Variants in CYB5A observed in about 807,000 individuals in gnomAD.
The protein encoded by CYB5A is cytochrome b5 type A.
A neutral mutation model predicts 16.2 loss-of-function variants in CYB5A; 10 were observed. The observed-to-expected ratio is 0.62, with a 90% CI of 0.38 to 1.04. The LOEUF is 1.04. Ranked by LOEUF, CYB5A falls within the 50% of genes least tolerant of loss-of-function variation. The pLI is 0.01. For missense variants in CYB5A, 161 were observed against 165.9 expected (o/e 0.97, Z 0.16); for synonymous variants, 62 against 57.0 (o/e 1.09, Z -0.40).
Position 74,253,629 on chromosome 18 carries a change from T to C in CYB5A, c.360A>G (p.Ala120=). 1.9e-6 allele frequency: 3 copies of C among 1,613,618 alleles called. No individual in the cohort carries two copies. Among genetic ancestry groups the C allele is most frequent in the Non-Finnish European group, 2.5e-6 (3 of 1,179,672 alleles). Reference sequence around the variant, plus strand: ...GGCGATACATCAAGGCGACGGCCACTGCAGAGATGGCAGGGATCACCCAGT... The same window carrying C: ...GGCGATACATCAAGGCGACGGCCACCGCAGAGATGGCAGGGATCACCCAGT... The part of the protein sequence containing the change: ...WTNWVIPAIS[A]VAVALMYRLY... The change falls in exon 5 of 5, where the codon GCA becomes GCG. Residue 120 remains alanine (A), a synonymous_variant. Coordinates refer to ENST00000340533, the MANE Select transcript of CYB5A (RefSeq NM_148923.4).
At chr18:74,288,978 C>G (rs1983424938) in intron 1 of CYB5A, among the ~76,000 whole-genome samples, 1 of 152,146 alleles carries the variant, frequency 6.6e-6, no homozygotes, top group Non-Finnish European at 1.5e-5. Context: ...TGTTGGCAGA[C>G]AGTGGAGGCA....
chr18:74,279,989 T>G (rs938762471), intron 1 of CYB5A, among the ~76,000 whole-genome samples: 4 of 152,122 alleles, frequency 2.6e-5, no homozygotes, highest in Admixed American at 2.0e-4. Flanking sequence ...AACTAATAAA[T>G]GAGTACATTA....
chr18:74,261,161 A>C, intron 2 of CYB5A: 1 of 512,736 alleles, frequency 2.0e-6, no homozygotes, highest in East Asian at 3.6e-5. Flanking sequence ...TAGAGTTCCA[A>C]AGTTTCGAAC....
At chr18:74,282,437 G>A (rs1365329437) in intron 1 of CYB5A, among the ~76,000 whole-genome samples, 1 of 152,178 alleles carries the variant, frequency 6.6e-6, no homozygotes, top group Non-Finnish European at 1.5e-5. Context: ...TAGTCACAGA[G>A]CAGGGGCTCG....
chr18:74,263,546 T>C (rs1982303788), intron 1 of CYB5A, 69 bp from the exon 2 acceptor site: 1 of 1,409,170 alleles, frequency 7.1e-7, no homozygotes, highest in Non-Finnish European at 1.0e-6. Flanking sequence ...ACGGCCAGAA[T>C]TTATTTAACC....
At chr18:74,291,342 C>T (rs73970043) in intron 1 of CYB5A, among the ~76,000 whole-genome samples, 6,027 of 152,164 alleles carry the variant, frequency 0.04, 398 homozygotes, top group African/African-American at 0.14. Flanking sequence ...CCGCGCAGGG[C>T]GCTCCCAGGT....
At chr18:74,259,281 AG>A (rs1982106713) in intron 3 of CYB5A, 1 of 152,250 alleles carries the variant, frequency 6.6e-6, no homozygotes, top group Admixed American at 6.5e-5. Flanking sequence ...TAACGCACAA[AG>A]GGCTGTGCCT....
chr18:74,275,190 G>C (rs939058799), intron 1 of CYB5A, among the ~76,000 whole-genome samples: 5 of 152,176 alleles, frequency 3.3e-5, no homozygotes, highest in African/African-American at 1.2e-4. Context: ...ATTGTTCATT[G>C]CTCCAATGTC....
At chr18:74,253,774 G>A in intron 4 of CYB5A, 109 bp from the exon 5 acceptor site, 1 of 784,100 alleles carries the variant, frequency 1.3e-6, no homozygotes, top group Non-Finnish European at 2.2e-6. Context: ...TCTTAACTCT[G>A]TAATGAATTT....
chr18:74,291,542 G>C (rs78456851), intron 1 of CYB5A, among the ~76,000 whole-genome samples: 8,367 of 150,762 alleles, frequency 0.055, 831 homozygotes, highest in African/African-American at 0.19. Flanking sequence ...GTGCGGACTT[G>C]GGGCGGTGGG....
At chr18:74,285,017 A>G (rs180670919) in intron 1 of CYB5A, among the ~76,000 whole-genome samples, 1 of 152,332 alleles carries the variant, frequency 6.6e-6, no homozygotes, top group Non-Finnish European at 1.5e-5. Context: ...CAGTTACTAT[A>G]TACACTCAAG....
At chr18:74,286,834 G>A (rs908248748) in intron 1 of CYB5A, among the ~76,000 whole-genome samples, 16 of 152,134 alleles carry the variant, frequency 1.1e-4, no homozygotes, top group African/African-American at 2.2e-4. Flanking sequence ...GACCAAAGCC[G>A]GCTTGCATGT....
chr18:74,262,958 T>A (rs1228694319), intron 2 of CYB5A, among the ~76,000 whole-genome samples: 1 of 152,094 alleles, frequency 6.6e-6, no homozygotes, highest in Non-Finnish European at 1.5e-5. Flanking sequence ...GAGACCAGCC[T>A]GGGCAACACG....
Position 74,263,343 on chromosome 18 carries a change from A to T in CYB5A, c.258+6T>A. On this transcript the variant is annotated splice_donor_region_variant and intron_variant, in intron 2 of 4. Transcript: ENST00000340533. ...AAATAAGAAAGGGCCCCCAAAATGT[A>T]CTTACTGGATGGAGCTCCCCAATGA... is the stretch of plus-strand genomic sequence containing the variant. 2.5e-6 allele frequency: 4 copies of T among 1,613,930 alleles called. No homozygotes were observed. Among genetic ancestry groups the T allele is most frequent in the Non-Finnish European group, 3.4e-6 (4 of 1,179,884 alleles).
intron 2 of CYB5A, among the ~76,000 whole-genome samples, chr18:74,262,431 G>A (rs1042454711): frequency 6.8e-6 from 1 of 147,478 alleles, no homozygotes; most frequent in African/African-American, 2.5e-5. Flanking sequence ...ACTCCAGCCT[G>A]GGCAACAGAG....
intron 1 of CYB5A, among the ~76,000 whole-genome samples, chr18:74,288,713 A>T (rs917997901): frequency 1.3e-5 from 2 of 152,238 alleles, no homozygotes; most frequent in Admixed American, 6.5e-5. Context: ...CCAGGAGCAC[A>T]GGAAGTCACC....
At chr18:74,281,010 C>T (rs1339630206) in intron 1 of CYB5A, among the ~76,000 whole-genome samples, 4 of 151,930 alleles carry the variant, frequency 2.6e-5, no homozygotes, top group East Asian at 1.9e-4. Context: ...GGGGACCACG[C>T]GAGAGAAGAT....
chr18:74,272,616 A>G (rs1278522912), intron 1 of CYB5A, among the ~76,000 whole-genome samples: 2 of 152,310 alleles, frequency 1.3e-5, no homozygotes, highest in African/African-American at 4.8e-5. Context: ...CTAATTTAAT[A>G]TAAATTAAGA....
At chr18:74,256,701 C>T (rs544586206) in intron 3 of CYB5A, 105 of 845,742 alleles carry the variant, frequency 1.2e-4, no homozygotes, top group Middle Eastern at 2.2e-4. Flanking sequence ...AGATAAAAAG[C>T]ATTAGCAAAA....
Sources: gnomAD v4.1 joint callset for allele counts (sites outside exome capture counted in the v4.1 genomes callset) on GRCh38, gnomAD v4.1.1 for gene constraint, MANE v1.5 for transcripts, NCBI Gene and HGNC (gene_info 2026-07-23, HGNC 2026-07-21) for gene names.